UBE2F: variants seen among roughly 807,000 people sequenced by gnomAD.
UBE2F encodes the protein NEDD8-conjugating enzyme UBE2F.
Under a neutral mutation model 29.6 loss-of-function variants are expected in UBE2F, and 5 were observed. The observed-to-expected ratio is 0.17, with a 90% CI of 0.09 to 0.36. UBE2F has a LOEUF of 0.36. Among genes scored for constraint, UBE2F ranks in the 10% least tolerant of loss-of-function variants. The pLI is 1.00. For synonymous variants in UBE2F, 66 were observed against 81.8 expected (o/e 0.81, Z 1.04); for missense variants, 141 against 228.5 (o/e 0.62, Z 2.47).
chr2:237,993,317 G>A (rs921926846), intron 3 of UBE2F, among the ~76,000 whole-genome samples: 3 of 152,078 alleles, frequency 2.0e-5, no homozygotes, highest in Non-Finnish European at 2.9e-5. Context: ...CATTTGCCGT[G>A]GTGACTGTGG....
chr2:237,985,603 G>T (rs1010056857), intron 2 of UBE2F, among the ~76,000 whole-genome samples: 8 of 152,196 alleles, frequency 5.3e-5, no homozygotes, highest in African/African-American at 1.9e-4. Context: ...CCAGTTGTCA[G>T]TGACACTTAG....
chr2:237,983,268 C>T (rs2063414431), intron 2 of UBE2F, among the ~76,000 whole-genome samples: 1 of 152,234 alleles, frequency 6.6e-6, no homozygotes, highest in South Asian at 2.1e-4. Flanking sequence ...CCTCTTCTCC[C>T]CACACTCAGC....
rs2064815505 is a variant in UBE2F at position 238,040,488 on chromosome 2, G to A, written c.508-800G>A. Reference sequence around the variant, plus strand: ...AGTGGGGGCTGCATGGCATTGATGGGACCGAAGCAGTGTGATCCTGCAGGG... The same window carrying A: ...AGTGGGGGCTGCATGGCATTGATGGAACCGAAGCAGTGTGATCCTGCAGGG... On this transcript the variant is annotated intron_variant, in intron 9 of 9. Coordinates refer to ENST00000272930, the MANE Select transcript of UBE2F (RefSeq NM_080678.3). The surrounding 1 kb of genome is among the most constrained non-coding windows in gnomAD (Gnocchi z 4.4). 6.6e-6 allele frequency among the ~76,000 whole-genome samples: 1 copy of A among 152,172 alleles called. No individual in the cohort carries two copies. Among genetic ancestry groups the A allele is most frequent in the Non-Finnish European group, 1.5e-5 (1 of 68,030 alleles).
intron 5 of UBE2F, among the ~76,000 whole-genome samples, chr2:238,019,666 T>C (rs1251182689): frequency 7.0e-6 from 1 of 143,042 alleles, no homozygotes; most frequent in African/African-American, 2.6e-5. Context: ...TTTTTTTTTT[T>C]TTTTTTTAAT....
At chr2:238,007,519 ATT>A (rs5839681) in intron 4 of UBE2F, among the ~76,000 whole-genome samples, 2 of 151,534 alleles carry the variant, frequency 1.3e-5, no homozygotes, top group Admixed American at 6.6e-5. Context: ...GTATGTATGT[ATT>A]TTTTTTTTAA....
Position 237,991,307 on chromosome 2 carries a change from ACTAT to A in UBE2F, c.148+3320_148+3323del, listed in dbSNP as rs1231325437. On this transcript the variant is annotated intron_variant, in intron 3 of 9. Coordinates refer to ENST00000272930, the MANE Select transcript of UBE2F (RefSeq NM_080678.3). ...AGAAACCACCAATGAATAACCCTTT[ACTAT>A]CTATTTAATTATCTTTCTAAAATAT... Among the ~76,000 whole-genome samples, 7 of 152,322 alleles carry A rather than the reference ACTAT, an allele frequency of 4.6e-5. No homozygotes were observed. The East Asian group carries it at 1.3e-3, about 29-fold the overall frequency.
intron 2 of UBE2F, 145 bp downstream of exon 2, chr2:237,973,370 G>C: frequency 1.0e-6 from 1 of 965,014 alleles, no homozygotes; most frequent in Non-Finnish European, 1.5e-6. Context: ...ATCTCTTATA[G>C]TGAAGGACAT....
At chr2:238,015,435 C>T (rs2064129811) in intron 4 of UBE2F, among the ~76,000 whole-genome samples, 1 of 151,922 alleles carries the variant, frequency 6.6e-6, no homozygotes. Flanking sequence ...AAATTTTAGC[C>T]TCACTAGTAT....
chr2:238,003,480 A>G, intron 4 of UBE2F: 6 of 457,084 alleles, frequency 1.3e-5, no homozygotes, highest in South Asian at 3.1e-5. Flanking sequence ...CCTGCCTTAA[A>G]TGTAACTCCA....
chr2:237,996,470 CT>C, intron 4 of UBE2F, among the ~76,000 whole-genome samples: 1 of 125,140 alleles, frequency 8.0e-6, no homozygotes, highest in African/African-American at 3.7e-5. Flanking sequence ...CCCGCCTCCC[CT>C]CCGCGTTTTT....
chr2:238,037,580 G>T (rs1299217265), intron 9 of UBE2F, among the ~76,000 whole-genome samples: 1 of 152,162 alleles, frequency 6.6e-6, no homozygotes, highest in African/African-American at 2.4e-5. Context: ...TGCCACTGTG[G>T]CAGTCAGTCA....
intron 4 of UBE2F, among the ~76,000 whole-genome samples, chr2:238,010,894 C>T (rs2064008085): frequency 6.6e-6 from 1 of 152,208 alleles, no homozygotes; most frequent in Non-Finnish European, 1.5e-5. Context: ...CTTTTATCTT[C>T]ATGGTAGCAA....
chr2:238,041,589 C>A lies in UBE2F; in HGVS notation c.*251C>A. 2.2e-6 allele frequency: 1 copy of A among 459,248 alleles called. No homozygotes were observed. The allele number at this position is 459,248 out of a possible 1,614,324, so 28.4% of individuals were successfully genotyped here. A position where few individuals can be genotyped will look rare whatever the true frequency, so the allele number is the denominator to read the frequency against. The stretch of plus-strand genomic sequence containing the variant: ...TTGTCTGCTTACCTTAACATGTTTA[C>A]TTTTTTGAACTTGTACTGTATAGGC... On this transcript the variant is annotated 3_prime_UTR_variant, in exon 10 of 10. Coordinates refer to ENST00000272930, the MANE Select transcript of UBE2F (RefSeq NM_080678.3).
At chr2:237,993,540 C>A (rs998651332) in intron 3 of UBE2F, among the ~76,000 whole-genome samples, 3 of 152,040 alleles carry the variant, frequency 2.0e-5, no homozygotes, top group African/African-American at 7.2e-5. Context: ...TGGCGAAAAC[C>A]TGTCTCTACA....
chr2:238,040,117 A>G lies in UBE2F; in HGVS notation c.508-1171A>G, dbSNP rs747701742. On this transcript the variant is annotated intron_variant, in intron 9 of 9. Coordinates refer to ENST00000272930, the MANE Select transcript of UBE2F (RefSeq NM_080678.3). The surrounding 1 kb of genome is among the most constrained non-coding windows in gnomAD (Gnocchi z 4.4). Reference sequence around the variant, plus strand: ...GAGCACTCCACTTTCTCACCCTGAGACCAGAGCAAGTCATGGGACCGTATC... The same window carrying G: ...GAGCACTCCACTTTCTCACCCTGAGGCCAGAGCAAGTCATGGGACCGTATC... 6.6e-6 allele frequency among the ~76,000 whole-genome samples: 1 copy of G among 152,136 alleles called. No homozygotes were observed. The highest frequency in any genetic ancestry group is 1.5e-5 in the Non-Finnish European group (1 of 68,018).
At chr2:238,029,683 G>T (rs1239010242) in intron 6 of UBE2F, among the ~76,000 whole-genome samples, 4 of 152,126 alleles carry the variant, frequency 2.6e-5, no homozygotes, top group African/African-American at 9.7e-5. Context: ...GTTTCAGAAT[G>T]TCGGTGCCCG....
At chr2:237,973,040 A>G in intron 1 of UBE2F, 52 bp from the exon 2 acceptor site, 3 of 1,535,256 alleles carry the variant, frequency 2.0e-6, no homozygotes, top group Non-Finnish European at 1.8e-6. Flanking sequence ...TCAGTGTCTA[A>G]TTAGTCTCTG....
chr2:238,023,836 C>A (rs1322512071), intron 5 of UBE2F, among the ~76,000 whole-genome samples: 2 of 152,164 alleles, frequency 1.3e-5, no homozygotes, highest in East Asian at 3.9e-4. Context: ...GTCACATCTT[C>A]TGAAGGACAT....
chr2:238,013,477 G>A (rs1205275357), intron 4 of UBE2F, among the ~76,000 whole-genome samples: 2 of 150,348 alleles, frequency 1.3e-5, no homozygotes, highest in South Asian at 4.3e-4. Context: ...TAGTACAGGG[G>A]GAGATGGGAG....
Sources: gnomAD v4.1 joint callset for allele counts (sites outside exome capture counted in the v4.1 genomes callset) on GRCh38, gnomAD v4.1.1 for gene constraint, Gnocchi (gnomAD v3.1) non-coding constraint, MANE v1.5 for transcripts, NCBI Gene and HGNC (gene_info 2026-07-23, HGNC 2026-07-21) for gene names.